PCNX2: variants seen among roughly 807,000 people sequenced by gnomAD.
The protein encoded by PCNX2 is pecanex 2.
A neutral mutation model predicts 223.8 loss-of-function variants in PCNX2; 168 were observed. The ratio of observed to expected loss-of-function variants is 0.75; its 90% CI spans 0.66 to 0.85. PCNX2 has a LOEUF of 0.85. PCNX2 is among the 40% of genes least tolerant of loss of function. The pLI is 0.00. For missense variants in PCNX2, 2,507 were observed against 2,675.5 expected, an observed-to-expected ratio of 0.94 and a Z score of 1.39; for synonymous variants, 1,006 against 1,052.6, an observed-to-expected ratio of 0.96 and a Z score of 0.86.
chr1:233,288,956 G>C (rs1201077159), intron 1 of PCNX2: 17 of 1,509,198 alleles, frequency 1.1e-5, no homozygotes, highest in Non-Finnish European at 1.6e-5. Context: ...GTTCCACATT[G>C]TTCTGCTGTG....
chr1:233,319,494 G>A, the PCNX2 span, among the ~76,000 whole-genome samples: 195 of 152,340 alleles, frequency 1.3e-3, no homozygotes, highest in Non-Finnish European at 2.3e-3. Flanking sequence ...GGTCTAAGTG[G>A]AAGCCCAAGA....
In PCNX2 at chr1:233,166,160, C is replaced by A. The variant is rs550301217; in HGVS notation, c.3274-4797G>T. 2.6e-5 allele frequency among the ~76,000 whole-genome samples: 4 copies of A among 151,932 alleles called. No homozygotes were observed. In the South Asian group the frequency reaches 8.3e-4, roughly 32 times the overall value. On this transcript the variant is annotated intron_variant, in intron 17 of 33. Transcript: ENST00000258229. ...ATCTTTTCTATGAAAGGTGCTGGAA[C>A]AATGGAATAGCCAACTATAAAAATA...
At chr1:233,240,649 C>G (rs780921128) in intron 8 of PCNX2, among the ~76,000 whole-genome samples, 1 of 152,128 alleles carries the variant, frequency 6.6e-6, no homozygotes, top group Non-Finnish European at 1.5e-5. Flanking sequence ...CTAGATTGAG[C>G]TCCAAGCAAT....
intron 1 of PCNX2, among the ~76,000 whole-genome samples, chr1:233,274,959 T>G (rs1660833375): frequency 6.6e-6 from 1 of 152,154 alleles, no homozygotes; most frequent in African/African-American, 2.4e-5. Context: ...GAACCAGCAA[T>G]GAGGAGATGA....
chr1:233,069,081 A>G (rs1268854328), intron 23 of PCNX2, among the ~76,000 whole-genome samples: 1 of 152,198 alleles, frequency 6.6e-6, no homozygotes, highest in Admixed American at 6.5e-5. Flanking sequence ...TATCAGATAA[A>G]GTAGACTCCG....
chr1:233,275,891 A>C (rs1377355966), intron 1 of PCNX2, among the ~76,000 whole-genome samples: 1 of 151,942 alleles, frequency 6.6e-6, no homozygotes, highest in African/African-American at 2.4e-5. Flanking sequence ...TTATCTGGGC[A>C]TGGTGGTGTG....
At chr1:233,213,211 G>C (rs767004094) in intron 12 of PCNX2, among the ~76,000 whole-genome samples, 2 of 151,960 alleles carry the variant, frequency 1.3e-5, no homozygotes, top group Non-Finnish European at 2.9e-5. Flanking sequence ...TTTTAAGTTT[G>C]CCAGAAACTG....
intron 21 of PCNX2, chr1:233,134,760 A>G (rs371842294): frequency 1.7e-5 from 9 of 543,622 alleles, no homozygotes; most frequent in Non-Finnish European, 2.6e-5. Flanking sequence ...ACAGAGAAGA[A>G]GGTAATAAAA....
intron 17 of PCNX2, among the ~76,000 whole-genome samples, chr1:233,169,372 C>T (rs1015585413): frequency 1.3e-5 from 2 of 151,366 alleles, no homozygotes; most frequent in Non-Finnish European, 1.5e-5. Flanking sequence ...CAGGGCCGGG[C>T]GCGGTGGCTC....
chr1:233,134,903 T>C, intron 21 of PCNX2, 110 bp downstream of exon 21: 1 of 931,976 alleles, frequency 1.1e-6, no homozygotes, highest in Non-Finnish European at 1.6e-6. Flanking sequence ...TTCAATTTCA[T>C]ATCCTCCCAT....
chr1:233,127,221 C>T (rs6691107), intron 21 of PCNX2, among the ~76,000 whole-genome samples: 5,802 of 152,196 alleles, frequency 0.038, 148 homozygotes, highest in African/African-American at 0.076. Context: ...TAGCACGGCA[C>T]GCTGGGTCCT....
the PCNX2 span, among the ~76,000 whole-genome samples, chr1:233,301,712 T>G: frequency 6.6e-6 from 1 of 152,044 alleles, no homozygotes; most frequent in African/African-American, 2.4e-5. Flanking sequence ...TGTACACCCT[T>G]TCTCAGAGAT....
chr1:233,237,252 T>A (rs1372285662), intron 8 of PCNX2, among the ~76,000 whole-genome samples: 2 of 152,196 alleles, frequency 1.3e-5, no homozygotes, highest in Admixed American at 6.5e-5. Context: ...GTTCTACAGA[T>A]GACAACCTTA....
In PCNX2 at chr1:232,990,246, G is replaced by A. The variant is rs2057308; in HGVS notation, c.5792-3706C>T. On this transcript the variant is annotated intron_variant, in intron 32 of 33. Transcript: ENST00000258229. This position sits in a 1 kb window ranked among gnomAD's most constrained non-coding sequence, Gnocchi z 4.3. Reference sequence around the variant, plus strand: ...AGGGCCAGGCAGAGCCGCCCCTCCCGTTGTGGTAGCCTCCTTCTTGGGCTT... The same window carrying A: ...AGGGCCAGGCAGAGCCGCCCCTCCCATTGTGGTAGCCTCCTTCTTGGGCTT... Among the ~76,000 whole-genome samples, 39,004 of 152,116 alleles carry A rather than the reference G, an allele frequency of 0.26. 5,263 individuals are homozygous for A. The highest frequency in any genetic ancestry group is 0.34 in the African/African-American group (14,147 of 41,496).
At chr1:233,284,680 T>C (rs1455795101) in intron 1 of PCNX2, among the ~76,000 whole-genome samples, 1 of 152,164 alleles carries the variant, frequency 6.6e-6, no homozygotes, top group Non-Finnish European at 1.5e-5. Context: ...ACTCAGTCTG[T>C]TGTCATAGAC....
In PCNX2 at chr1:233,097,172, C is replaced by A. The variant is rs148023776; in HGVS notation, c.3838-1309G>T. Among the ~76,000 whole-genome samples the A allele has an allele frequency of 4.8e-3, 726 of 152,106 alleles. 3 individuals are homozygous for A. The highest frequency in any genetic ancestry group is 8.3e-3 in the Non-Finnish European group (565 of 68,010). ...AGGCATCTGGTTATGCATAGAACCC[C>A]TGACCTAAAAACATGTCTACCAGAG... On this transcript the variant is annotated intron_variant, in intron 21 of 33. Coordinates refer to ENST00000258229, the MANE Select transcript of PCNX2 (RefSeq NM_014801.4).
At chr1:233,107,072 C>A (rs938463316) in intron 21 of PCNX2, among the ~76,000 whole-genome samples, 1 of 152,044 alleles carries the variant, frequency 6.6e-6, no homozygotes, top group Non-Finnish European at 1.5e-5. Flanking sequence ...ACAAAGTGTA[C>A]AGTGAAAGTT....
chr1:233,293,835 T>C (rs1661914009), intron 1 of PCNX2: 2 of 499,464 alleles, frequency 4.0e-6, no homozygotes, highest in African/African-American at 2.1e-5. Context: ...TTAGGTCTAG[T>C]GAGCAGCAGA....
intron 1 of PCNX2, among the ~76,000 whole-genome samples, chr1:233,275,196 C>T (rs557290503): frequency 2.6e-5 from 4 of 152,272 alleles, no homozygotes; most frequent in African/African-American, 7.2e-5. Flanking sequence ...ATGGCAAGAT[C>T]GTTCAAATAA....
Sources: allele counts gnomAD v4.1 joint callset (sites outside exome capture counted in the v4.1 genomes callset), GRCh38; gene constraint gnomAD v4.1.1; non-coding constraint Gnocchi (gnomAD v3.1); transcripts MANE v1.5; gene names NCBI Gene and HGNC (gene_info 2026-07-23, HGNC 2026-07-21).